The following IFNAR1 variants were observed in gnomAD, a reference collection of about 807,000 sequenced individuals.
The protein encoded by IFNAR1 is interferon alpha/beta receptor 1.
Under a neutral mutation model 62.1 loss-of-function variants are expected in IFNAR1, and 47 were observed. The ratio of observed to expected loss-of-function variants is 0.76; its 90% CI spans 0.60 to 0.97. The LOEUF is 0.97. Among genes scored for constraint, IFNAR1 ranks in the 50% least tolerant of loss-of-function variants. IFNAR1 has a pLI of 0.00. For synonymous variants in IFNAR1, 219 were observed against 226.9 expected (o/e 0.97, Z 0.31); for missense variants, 638 against 654.5 (o/e 0.97, Z 0.27).
chr21:33,345,216 GC>G lies in IFNAR1; in HGVS notation c.674-29del, dbSNP rs1271746483. On this transcript the variant is annotated intron_variant, in intron 5 of 10. Coordinates refer to ENST00000270139, the MANE Select transcript of IFNAR1 (RefSeq NM_000629.3). ...TTATCTCACTTGAGTAAAAATGTGT[GC>G]TTTTTTTTATCTGTTCTTTGGCTTC... 3 of 1,069,472 alleles carry G rather than the reference GC, an allele frequency of 2.8e-6. No homozygotes were observed. In the African/African-American group the frequency reaches 4.8e-5, roughly 17 times the overall value. 66.2% of individuals were successfully genotyped at this position (1,069,472 alleles called of 1,614,324 possible).
intron 8 of IFNAR1, among the ~76,000 whole-genome samples, chr21:33,350,648 C>A (rs558601796): frequency 2.0e-5 from 3 of 152,262 alleles, no homozygotes; most frequent in Middle Eastern, 3.4e-3. Context: ...AGTCAAGAAT[C>A]GACCTTTAAA....
intron 8 of IFNAR1, among the ~76,000 whole-genome samples, chr21:33,351,504 A>T (rs991602773): frequency 1.3e-5 from 2 of 151,696 alleles, no homozygotes; most frequent in Non-Finnish European, 2.9e-5. Context: ...GAGCCACTGA[A>T]CGTTAAGGCA....
rs765522899 is a variant in IFNAR1, at chr21:33,352,919, T to C, written c.1294+11T>C. The C allele has an allele frequency of 6.5e-7, 1 of 1,543,868 alleles. No homozygotes were observed. Among genetic ancestry groups the C allele is most frequent in the Non-Finnish European group, 8.8e-7 (1 of 1,137,422 alleles). On this transcript the variant is annotated intron_variant, in intron 9 of 10. Transcript: ENST00000270139. ...AGAAAACAAAACCAGGTCAGAATCT[T>C]TTATTGTCTTTTTTAAAAATGTAGC... is the stretch of plus-strand genomic sequence containing the variant.
intron 1 of IFNAR1, among the ~76,000 whole-genome samples, chr21:33,326,863 T>C (rs1391543007): frequency 1.3e-5 from 2 of 152,136 alleles, no homozygotes; most frequent in Non-Finnish European, 2.9e-5. Flanking sequence ...GCTGAAATTC[T>C]TCATACTTAC....
chr21:33,355,470 G>A lies in IFNAR1; in HGVS notation c.1595G>A (p.Ser532Asn). The A allele has an allele frequency of 6.2e-7, 1 of 1,608,130 alleles. No homozygotes were observed. Among genetic ancestry groups the A allele is most frequent in the Non-Finnish European group, 8.5e-7 (1 of 1,177,516 alleles). The change falls in exon 11 of 11, where the codon AGC (serine) becomes AAC (asparagine). Residue 532 changes from serine (S) to asparagine (N), a missense_variant. Transcript: ENST00000270139. ...CATAAAAAATACAGTTCCCAAACTA[G>A]CCAAGATTCAGGAAATTATTCTAAT... is the stretch of plus-strand genomic sequence containing the variant. ...EDHKKYSSQT[S>N]QDSGNYSNED...
intron 6 of IFNAR1, among the ~76,000 whole-genome samples, chr21:33,347,465 C>G (rs1428207082): frequency 6.6e-6 from 1 of 152,040 alleles, no homozygotes; most frequent in Non-Finnish European, 1.5e-5. Flanking sequence ...CGGAGTTTCT[C>G]CATGTTTGCC....
At chr21:33,344,238 C>T (rs1488984006) in intron 5 of IFNAR1, among the ~76,000 whole-genome samples, 1 of 152,108 alleles carries the variant, frequency 6.6e-6, no homozygotes, top group Non-Finnish European at 1.5e-5. Context: ...CAGGAGGTAG[C>T]TGAACTATGA....
rs1355090976 is a variant in IFNAR1, at chr21:33,358,448, A to G, written c.*2899A>G. 3 of 151,988 alleles carry G rather than the reference A, an allele frequency of 2.0e-5. No homozygotes were observed. The highest frequency in any genetic ancestry group is 2.9e-5 in the Non-Finnish European group (2 of 67,992). The allele number at this position is 151,988 out of a possible 1,614,324, so 9.4% of individuals were successfully genotyped here. Reference sequence around the variant, plus strand: ...GATTTGTATCATTAGAGCCAGAAATAATTTTATATTAATATATAATACAGA... The same window carrying G: ...GATTTGTATCATTAGAGCCAGAAATGATTTTATATTAATATATAATACAGA... On this transcript the variant is annotated 3_prime_UTR_variant, in exon 11 of 11. Coordinates refer to ENST00000270139, the MANE Select transcript of IFNAR1 (RefSeq NM_000629.3).
upstream of IFNAR1, chr21:33,324,760 G>A: frequency 2.1e-6 from 1 of 487,220 alleles, no homozygotes; most frequent in Non-Finnish European, 3.7e-6. Flanking sequence ...GAGAATGCAG[G>A]AGGCCTGCGA....
intron 2 of IFNAR1, among the ~76,000 whole-genome samples, chr21:33,339,654 G>T (rs968441146): frequency 1.3e-5 from 2 of 152,122 alleles, no homozygotes; most frequent in Non-Finnish European, 2.9e-5. Flanking sequence ...GGGCATGGTG[G>T]CTCACGCCTG....
At chr21:33,351,294 A>G (rs1302149409) in intron 8 of IFNAR1, among the ~76,000 whole-genome samples, 1 of 152,152 alleles carries the variant, frequency 6.6e-6, no homozygotes, top group African/African-American at 2.4e-5. Flanking sequence ...CTGAGAACAG[A>G]GGCCTTAAGT....
chr21:33,333,440 GAATT>G (rs2083199920), intron 1 of IFNAR1, among the ~76,000 whole-genome samples: 1 of 151,934 alleles, frequency 6.6e-6, no homozygotes, highest in Non-Finnish European at 1.5e-5. Flanking sequence ...AAAGAGAAAA[GAATT>G]AAACCTTATC....
chr21:33,348,802 CA>C (rs997360056), intron 6 of IFNAR1, among the ~76,000 whole-genome samples: 2 of 148,764 alleles, frequency 1.3e-5, no homozygotes, highest in Admixed American at 6.7e-5. Flanking sequence ...GACTCGGTCT[CA>C]AAAAAAAAGC....
intron 5 of IFNAR1, among the ~76,000 whole-genome samples, chr21:33,344,985 A>G (rs2083331789): frequency 6.6e-6 from 1 of 151,936 alleles, no homozygotes; most frequent in South Asian, 2.1e-4. Context: ...ATGGGGTTTC[A>G]CCATGTTGGC....
chr21:33,351,843 A>G (rs552862465), intron 8 of IFNAR1, among the ~76,000 whole-genome samples: 1 of 152,022 alleles, frequency 6.6e-6, no homozygotes, highest in Non-Finnish European at 1.5e-5. Context: ...ACAGGCTCAC[A>G]CCACCATGCC....
intron 3 of IFNAR1, among the ~76,000 whole-genome samples, chr21:33,341,860 T>C (rs1248283110): frequency 1.3e-5 from 2 of 152,144 alleles, no homozygotes; most frequent in African/African-American, 4.8e-5. Flanking sequence ...TTTGTATTTT[T>C]AGTAGAGACA....
intron 3 of IFNAR1, among the ~76,000 whole-genome samples, chr21:33,341,594 A>G (rs186199887): frequency 4.2e-4 from 64 of 152,226 alleles, no homozygotes; most frequent in African/African-American, 1.2e-3. Flanking sequence ...AAGATTTGGA[A>G]AAAAAATGTA....
chr21:33,346,373 G>A (rs2083346744), intron 6 of IFNAR1, among the ~76,000 whole-genome samples: 1 of 152,160 alleles, frequency 6.6e-6, no homozygotes, highest in Admixed American at 6.5e-5. Flanking sequence ...GTACCGCTAT[G>A]ATCAATTTCT....
intron 1 of IFNAR1, among the ~76,000 whole-genome samples, chr21:33,327,810 A>G (rs1444651389): frequency 6.6e-6 from 1 of 152,208 alleles, no homozygotes; most frequent in Admixed American, 6.5e-5. Flanking sequence ...AGGGAGACAT[A>G]TCAATCAGTA....
Sources: gnomAD v4.1 joint callset for allele counts (sites outside exome capture counted in the v4.1 genomes callset) on GRCh38, gnomAD v4.1.1 for gene constraint, MANE v1.5 for transcripts, NCBI Gene and HGNC (gene_info 2026-07-23, HGNC 2026-07-21) for gene names.